PIK3R1: variants seen among roughly 807,000 people sequenced by gnomAD.
The protein encoded by PIK3R1 is phosphatidylinositol 3-kinase regulatory subunit alpha.
In PIK3R1, 29 loss-of-function variants were observed where a neutral mutation model predicts 98.0. The ratio of observed to expected loss-of-function variants is 0.30; its 90% CI spans 0.22 to 0.40. The LOEUF is 0.40. Among genes scored for constraint, PIK3R1 ranks in the 10% least tolerant of loss-of-function variants. The pLI is 1.00. For synonymous variants in PIK3R1, 282 were observed against 311.8 expected, an observed-to-expected ratio of 0.90 and a Z score of 1.01; for missense variants, 596 against 872.7, an observed-to-expected ratio of 0.68 and a Z score of 3.99.
chr5:68,294,415 G>A lies in PIK3R1; in HGVS notation c.1426-121G>A, dbSNP rs1163344761. The A allele has an allele frequency of 1.1e-5, 7 of 615,284 alleles. No homozygotes were observed. In the East Asian group the frequency reaches 1.6e-4, roughly 14 times the overall value. 38.1% of individuals were successfully genotyped at this position (615,284 alleles called of 1,614,324 possible). ...CTTGTTTCTGGGATACTGTTTTAAT[G>A]GATTTTATGAATTTGAGTCCCACTC... On this transcript the variant is annotated intron_variant, in intron 11 of 15. Coordinates refer to ENST00000521381, the MANE Select transcript of PIK3R1 (RefSeq NM_181523.3).
intron 2 of PIK3R1, among the ~76,000 whole-genome samples, chr5:68,254,067 C>T (rs1272682772): frequency 3.3e-5 from 5 of 149,312 alleles, no homozygotes; most frequent in African/African-American, 1.2e-4. Flanking sequence ...ATAAATGCAG[C>T]AAGTAAATGT....
intron 2 of PIK3R1, among the ~76,000 whole-genome samples, chr5:68,233,460 A>T (rs1468992593): frequency 1.3e-5 from 2 of 152,232 alleles, no homozygotes; most frequent in South Asian, 4.1e-4. Context: ...ATAGAGGAGG[A>T]CACATGGAGG....
intron 2 of PIK3R1, among the ~76,000 whole-genome samples, chr5:68,253,868 G>T (rs1745411598): frequency 6.6e-6 from 1 of 152,150 alleles, no homozygotes; most frequent in South Asian, 2.1e-4. Context: ...GACTAAGCAG[G>T]TGGAAAGCTT....
Position 68,300,097 on chromosome 5 carries a change from TAC to T in PIK3R1, c.*2498_*2499del. The stretch of plus-strand genomic sequence containing the variant: ...GAGATTGAATATTTTCATTAAAAGC[TAC>T]AGTTTTGTGAATCTTTGTGCTTCAA... On this transcript the variant is annotated 3_prime_UTR_variant, in exon 16 of 16. Coordinates refer to ENST00000521381, the MANE Select transcript of PIK3R1 (RefSeq NM_181523.3). 1 of 233,266 alleles carries T rather than the reference TAC, an allele frequency of 4.3e-6. No individual in the cohort carries two copies. Among genetic ancestry groups the T allele is most frequent in the Non-Finnish European group, 8.5e-6 (1 of 118,030 alleles). 14.4% of individuals were successfully genotyped at this position (233,266 alleles called of 1,614,324 possible).
At chr5:68,295,069 A>C in intron 12 of PIK3R1, 79 bp from the exon 13 acceptor site, 2 of 1,205,528 alleles carry the variant, frequency 1.7e-6, no homozygotes, top group Non-Finnish European at 2.3e-6. Flanking sequence ...CTGGGAAACC[A>C]TAGTGAAACT....
In PIK3R1 at chr5:68,296,162, C is replaced by T; in HGVS notation, c.1815-9C>T. The T allele has an allele frequency of 1.2e-5, 19 of 1,613,610 alleles. No homozygotes were observed. The highest frequency in any genetic ancestry group is 1.6e-5 in the Non-Finnish European group (19 of 1,179,694). ...CTTCATTTAGAAACTTTCTGTCCTG[C>T]CTGCCTAGCCAATATTCACTGGTGG... On this transcript the variant is annotated splice_polypyrimidine_tract_variant and intron_variant, in intron 14 of 15. Coordinates refer to ENST00000521381, the MANE Select transcript of PIK3R1 (RefSeq NM_181523.3).
At chr5:68,218,988 A>T (rs907814558) in intron 1 of PIK3R1, among the ~76,000 whole-genome samples, 2 of 152,172 alleles carry the variant, frequency 1.3e-5, no homozygotes, top group Admixed American at 1.3e-4. Context: ...CCCTAATGTG[A>T]TTACTTGCCA....
intron 2 of PIK3R1, 137 bp downstream of exon 2, chr5:68,227,146 A>G: frequency 1.4e-6 from 1 of 726,818 alleles, no homozygotes. Flanking sequence ...TGTGGTGCAT[A>G]AAAGCTTGGT....
chr5:68,249,196 A>G (rs1745210281), intron 2 of PIK3R1, among the ~76,000 whole-genome samples: 1 of 152,246 alleles, frequency 6.6e-6, no homozygotes, highest in African/African-American at 2.4e-5. Context: ...CCTTTAGGAA[A>G]AGGAATATAT....
intron 14 of PIK3R1, 102 bp downstream of exon 14, chr5:68,295,590 T>C: frequency 1.1e-6 from 1 of 943,762 alleles, no homozygotes; most frequent in Non-Finnish European, 1.7e-6. Context: ...TTTACTGAGT[T>C]TGGAACATCT....
chr5:68,249,464 A>G (rs989614933), intron 2 of PIK3R1, among the ~76,000 whole-genome samples: 19 of 152,250 alleles, frequency 1.2e-4, no homozygotes, highest in African/African-American at 2.4e-5. Flanking sequence ...TGGACATATT[A>G]TCTACCCTGC....
chr5:68,298,751 A>G lies in PIK3R1; in HGVS notation c.*1150A>G, dbSNP rs778032037. ...TTATTCAATAAAAAAAAGAAATGAAAAAGATATATGAATATGACAAAGTAT... is the reference window on the plus strand; with the variant it reads ...TTATTCAATAAAAAAAAGAAATGAAGAAGATATATGAATATGACAAAGTAT... On this transcript the variant is annotated 3_prime_UTR_variant, in exon 16 of 16. Transcript: ENST00000521381. 8.6e-6 allele frequency: 2 copies of G among 233,556 alleles called. No individual in the cohort carries two copies. Among genetic ancestry groups the G allele is most frequent in the Non-Finnish European group, 1.7e-5 (2 of 117,964 alleles). The allele number at this position is 233,556 out of a possible 1,614,324, so 14.5% of individuals were successfully genotyped here.
intron 2 of PIK3R1, among the ~76,000 whole-genome samples, chr5:68,269,993 C>A (rs1380834562): frequency 1.3e-5 from 2 of 151,982 alleles, no homozygotes; most frequent in African/African-American, 4.8e-5. Context: ...TTCAATATTA[C>A]AAATTCAGTG....
chr5:68,263,205 A>ATATATACATATATCTACATATATATC (rs1561279695), intron 2 of PIK3R1, among the ~76,000 whole-genome samples: 8 of 129,712 alleles, frequency 6.2e-5, no homozygotes, highest in South Asian at 4.8e-4. Flanking sequence ...ATATATATCT[A>ATATATACATATATCTACATATATATC]TATATATATT....
intron 2 of PIK3R1, among the ~76,000 whole-genome samples, chr5:68,259,260 TAAATA>T (rs1273600579): frequency 5.3e-5 from 8 of 152,242 alleles, no homozygotes; most frequent in Non-Finnish European, 1.2e-4. Flanking sequence ...TATGTGGGGT[TAAATA>T]AAAGATTAAA....
chr5:68,226,969 A>G lies in PIK3R1; in HGVS notation c.294A>G (p.Ala98=), dbSNP rs1744301855. ...KPRPPRPLPV[A]PGSSKTEADV... ...GGCCACCTCGGCCTCTTCCTGTTGC[A>G]CCAGGTTCTTCGAAAACTGAAGCAG... Residue 98 remains alanine, a synonymous_variant, in exon 2 of 16, where the codon GCA becomes GCG. Coordinates refer to ENST00000521381, the MANE Select transcript of PIK3R1 (RefSeq NM_181523.3). 2.5e-6 allele frequency: 4 copies of G among 1,613,194 alleles called. No homozygotes were observed. Among genetic ancestry groups the G allele is most frequent in the Non-Finnish European group, 1.7e-6 (2 of 1,179,706 alleles).
intron 2 of PIK3R1, among the ~76,000 whole-genome samples, chr5:68,234,885 C>T (rs906641788): frequency 2.0e-5 from 3 of 152,020 alleles, no homozygotes; most frequent in African/African-American, 7.3e-5. Flanking sequence ...CAAGCTTTCT[C>T]CTAAAGAAGA....
chr5:68,271,840 G>T (rs1282229226), intron 2 of PIK3R1, among the ~76,000 whole-genome samples: 1 of 152,180 alleles, frequency 6.6e-6, no homozygotes, highest in Non-Finnish European at 1.5e-5. Flanking sequence ...AAATCTGAAA[G>T]AATGTTTTTG....
At chr5:68,272,003 C>T (rs1176103758) in intron 2 of PIK3R1, among the ~76,000 whole-genome samples, 1 of 152,038 alleles carries the variant, frequency 6.6e-6, no homozygotes, top group Non-Finnish European at 1.5e-5. Flanking sequence ...GTAATCCCAG[C>T]ATTTTGAGAG....
Sources: gnomAD v4.1 joint callset for allele counts (sites outside exome capture counted in the v4.1 genomes callset) on GRCh38, gnomAD v4.1.1 for gene constraint, MANE v1.5 for transcripts, NCBI Gene and HGNC (gene_info 2026-07-23, HGNC 2026-07-21) for gene names.